HTRA4: variants seen among roughly 807,000 people sequenced by gnomAD.
HTRA4 encodes HtrA serine peptidase 4.
In HTRA4, 46 loss-of-function variants were observed where a neutral mutation model predicts 49.1. The observed-to-expected ratio is 0.94, with a 90% CI of 0.74 to 1.20. The LOEUF (loss-of-function observed/expected upper bound fraction) is 1.20, where lower values mean the gene tolerates loss of function less well. Ranked by LOEUF, HTRA4 falls within the 50% of genes most tolerant of loss-of-function variation. The pLI, the probability that HTRA4 is intolerant of heterozygous loss-of-function variation, is 0.00. For synonymous variants in HTRA4, 261 were observed against 264.0 expected, an observed-to-expected ratio of 0.99 and a Z score of 0.11; for missense variants, 602 against 636.9, an observed-to-expected ratio of 0.95 and a Z score of 0.59.
intron 2 of HTRA4, among the ~76,000 whole-genome samples, chr8:38,975,520 C>T (rs1413102177): frequency 2.6e-5 from 4 of 152,188 alleles, no homozygotes; most frequent in Non-Finnish European, 5.9e-5. Context: ...GTAATCCTCC[C>T]AACCCAGCCT....
rs1285086935 is a variant in HTRA4, at chr8:38,979,247, G to T, written c.999G>T (p.Leu333Phe). ...ATTCTGGTGGTCCTCTGGTGAACTT[G>T]GTAAGTGATCACTTTCCTTGTTGCT... The part of the protein sequence containing the change: ...YGNSGGPLVN[L>F]DGDVIGVNSL... The change falls in exon 5 of 9, where the codon TTG (leucine) becomes TTT (phenylalanine). Residue 333 changes from leucine (L) to phenylalanine (F), a missense_variant and splice_region_variant. Transcript: ENST00000302495. The T allele has an allele frequency of 7.4e-6, 12 of 1,612,664 alleles. No homozygotes were observed. The highest frequency in any genetic ancestry group is 1.0e-5 in the Non-Finnish European group (12 of 1,178,716).
At position 38,976,621 on chromosome 8, in the gene HTRA4, A is replaced by G. The variant is rs778104797; in HGVS notation, c.653A>G (p.His218Arg). ...GACGGGCTCATTATTACCAATGCCC[A>G]TGTTGTCAGGAACCAGCAGTGGATT... ...SEDGLIITNA[H>R]VVRNQQWIEV... Residue 218 changes from histidine (H) to arginine (R), a missense_variant, in exon 3 of 9, where the codon CAT becomes CGT. Transcript: ENST00000302495. The G allele has an allele frequency of 3.7e-6, 6 of 1,614,138 alleles. No individual in the cohort carries two copies. In the South Asian group the frequency reaches 4.4e-5, roughly 12 times the overall value.
chr8:38,988,000 G>C lies in HTRA4; in HGVS notation c.1333G>C (p.Asp445His), dbSNP rs139374339. ...TGGGAAACCTATTACTACTACAACT[G>C]ATGTTGTTAAAGCTCTTGACAGTGA... is the stretch of plus-strand genomic sequence containing the variant. ...INGKPITTTT[D>H]VVKALDSDSL... is the part of the protein sequence containing the mutation. The change falls in exon 9 of 9, where the codon GAT (aspartate) becomes CAT (histidine). Residue 445 changes from aspartate to histidine, a missense_variant. By Grantham distance (81) the Asp-to-His change is moderately conservative. Coordinates refer to ENST00000302495, the MANE Select transcript of HTRA4 (RefSeq NM_153692.4). The C allele has an allele frequency of 1.1e-3, 1,775 of 1,611,346 alleles. 11 individuals are homozygous for C. Among genetic ancestry groups the C allele is most frequent in the South Asian group, 6.8e-3 (612 of 90,432 alleles).
chr8:38,981,650 C>T lies in HTRA4; in HGVS notation c.1000-3C>T, dbSNP rs760127119. 1.2e-6 allele frequency: 2 copies of T among 1,609,780 alleles called. No homozygotes were observed. The highest frequency in any genetic ancestry group is 2.7e-5 in the African/African-American group (2 of 74,638). ...GACTGAATGATGTCCCCTCCCTTGC[C>T]AGGATGGTGATGTGATTGGCGTCAA... On this transcript the variant is annotated splice_polypyrimidine_tract_variant and splice_region_variant and intron_variant, in intron 5 of 8. Transcript: ENST00000302495.
intron 4 of HTRA4, among the ~76,000 whole-genome samples, chr8:38,978,993 C>A (rs1172883110): frequency 1.9e-3 from 230 of 120,152 alleles, no homozygotes; most frequent in Middle Eastern, 4.2e-3. Flanking sequence ...GACTCCGTCT[C>A]AAAAAAAAAA....
chr8:38,976,745 T>C lies in HTRA4; in HGVS notation c.771+6T>C, dbSNP rs1328896791. 6.2e-7 allele frequency: 1 copy of C among 1,613,962 alleles called. No homozygotes were observed. The highest frequency in any genetic ancestry group is 8.5e-7 in the Non-Finnish European group (1 of 1,179,904). Reference sequence around the variant, plus strand: ...TGATTAAGATTGAATCAAATGTGAGTATTTCAGGGCTGAGTCAGAGTCTAC... The same window carrying C: ...TGATTAAGATTGAATCAAATGTGAGCATTTCAGGGCTGAGTCAGAGTCTAC... On this transcript the variant is annotated splice_donor_region_variant and intron_variant, in intron 3 of 8. Transcript: ENST00000302495.
chr8:38,987,782 C>T (rs551358016), intron 8 of HTRA4, among the ~76,000 whole-genome samples, 154 bp from the exon 9 acceptor site: 113 of 152,174 alleles, frequency 7.4e-4, no homozygotes, highest in Middle Eastern at 3.4e-3. Flanking sequence ...TTTAGAATAG[C>T]TTTATGATTT....
intron 8 of HTRA4, among the ~76,000 whole-genome samples, chr8:38,984,612 G>A (rs1835462290): frequency 6.6e-6 from 1 of 151,974 alleles, no homozygotes; most frequent in Non-Finnish European, 1.5e-5. Context: ...AGCTGGGTGT[G>A]GTGTCGCATG....
At chr8:38,986,313 G>A (rs973352179) in intron 8 of HTRA4, among the ~76,000 whole-genome samples, 9 of 151,922 alleles carry the variant, frequency 5.9e-5, no homozygotes, top group Non-Finnish European at 8.8e-5. Flanking sequence ...ACTGAGTTTC[G>A]CTCTTGTTGC....
chr8:38,980,014 C>T (rs1185172933), intron 5 of HTRA4, among the ~76,000 whole-genome samples: 9 of 152,004 alleles, frequency 5.9e-5, no homozygotes, highest in Admixed American at 2.6e-4. Context: ...CCACAACCAG[C>T]ACTCCTGACT....
chr8:38,982,366 AAGCCTGTGTTTCATCC>A, intron 6 of HTRA4, 116 bp from the exon 7 acceptor site: 1 of 716,336 alleles, frequency 1.4e-6, no homozygotes, highest in Admixed American at 2.5e-5. Context: ...AGGTTCTCTG[AAGCCTGTGTTTCATCC>A]AGGTAACCTG....
Position 38,981,783 on chromosome 8 carries a change from A to T in HTRA4, c.1114+16A>T, listed in dbSNP as rs774012594. ...CAGATGAAAGGTAAAGCAAGTTGGG[A>T]TTTTTTTTTTTTTGGTTTCGTCTTG... is the stretch of plus-strand genomic sequence containing the variant. On this transcript the variant is annotated intron_variant, in intron 6 of 8. Coordinates refer to ENST00000302495, the MANE Select transcript of HTRA4 (RefSeq NM_153692.4). 2 of 1,287,520 alleles carry T rather than the reference A, an allele frequency of 1.6e-6. No homozygotes were observed. The highest frequency in any genetic ancestry group is 2.2e-6 in the Non-Finnish European group (2 of 925,736). The allele number at this position is 1,287,520 out of a possible 1,614,324, so 79.8% of individuals were successfully genotyped here.
intron 2 of HTRA4, 83 bp downstream of exon 2, chr8:38,975,213 A>G: frequency 7.3e-7 from 1 of 1,363,446 alleles, no homozygotes; most frequent in South Asian, 1.2e-5. Context: ...CGCAAGCGTC[A>G]TTTAATCCTA....
intron 1 of HTRA4, 121 bp from the exon 2 acceptor site, chr8:38,974,910 C>G (rs1588289359): frequency 4.5e-5 from 57 of 1,278,900 alleles, no homozygotes; most frequent in Middle Eastern, 1.9e-4. Flanking sequence ...TTACCGGCTG[C>G]TACGTGGTTT....
intron 2 of HTRA4, 33 bp from the exon 3 acceptor site, chr8:38,976,502 C>T: frequency 6.2e-7 from 1 of 1,605,530 alleles, no homozygotes; most frequent in Non-Finnish European, 8.5e-7. Context: ...AACTTTCTTG[C>T]CCTCTGTTTA....
At chr8:38,979,108 A>C (rs1588292083) in intron 4 of HTRA4, 107 bp from the exon 5 acceptor site, 1 of 1,015,246 alleles carries the variant, frequency 9.8e-7, no homozygotes, top group East Asian at 2.4e-5. Context: ...GGGGAATAGG[A>C]GCTTGGTGGG....
chr8:38,974,932 T>A, intron 1 of HTRA4, 99 bp from the exon 2 acceptor site: 1 of 1,428,714 alleles, frequency 7.0e-7, no homozygotes, highest in Non-Finnish European at 9.8e-7. Flanking sequence ...TCCCTCCCCA[T>A]GCACCTTTTG....
Position 38,988,101 on chromosome 8 carries a change from A to T in HTRA4, c.*3A>T, listed in dbSNP as rs777529827. ...TCATACCTGAAACAATCAATTAAAT[A>T]TCTTGTTTTAAAGTGGGATTATCTA... On this transcript the variant is annotated 3_prime_UTR_variant, in exon 9 of 9. Coordinates refer to ENST00000302495, the MANE Select transcript of HTRA4 (RefSeq NM_153692.4). 1 of 1,566,038 alleles carries T rather than the reference A, an allele frequency of 6.4e-7. No individual in the cohort carries two copies.
chr8:38,981,787 T>G lies in HTRA4; in HGVS notation c.1114+20T>G. On this transcript the variant is annotated intron_variant, in intron 6 of 8. Transcript: ENST00000302495. ...TGAAAGGTAAAGCAAGTTGGGATTTTTTTTTTTTTGGTTTCGTCTTGTGCT... is the reference window on the plus strand; with the variant it reads ...TGAAAGGTAAAGCAAGTTGGGATTTGTTTTTTTTTGGTTTCGTCTTGTGCT... 3 of 1,561,984 alleles carry G rather than the reference T, an allele frequency of 1.9e-6. No homozygotes were observed. The highest frequency in any genetic ancestry group is 2.6e-6 in the Non-Finnish European group (3 of 1,138,306).
Sources: gnomAD v4.1 joint callset for allele counts (sites outside exome capture counted in the v4.1 genomes callset) on GRCh38, gnomAD v4.1.1 for gene constraint, MANE v1.5 for transcripts, NCBI Gene and HGNC (gene_info 2026-07-23, HGNC 2026-07-21) for gene names.